The following TNS1 variants were observed in gnomAD, a reference collection of about 807,000 sequenced individuals.
TNS1 encodes the protein tensin 1.
Under a neutral mutation model 168.6 loss-of-function variants are expected in TNS1, and 62 were observed. That is an observed-to-expected ratio of 0.37 (90% CI 0.30 to 0.45). TNS1 has a LOEUF of 0.45. Ranked by LOEUF, TNS1 falls within the 20% of genes least tolerant of loss-of-function variation. The pLI is 1.00. For synonymous variants in TNS1, 934 were observed against 933.2 expected (o/e 1.00, Z -0.02); for missense variants, 2,240 against 2,339.4 (o/e 0.96, Z 0.88).
intron 18 of TNS1, chr2:217,859,714 T>A: frequency 6.5e-7 from 1 of 1,532,306 alleles, no homozygotes; most frequent in South Asian, 1.2e-5. Context: ...GTGGAAATCA[T>A]GAATAGCAGA....
chr2:217,847,993 G>A lies in TNS1; in HGVS notation c.2524C>T (p.Leu842=). 2 of 1,512,210 alleles carry A rather than the reference G, an allele frequency of 1.3e-6. No individual in the cohort carries two copies. Among genetic ancestry groups the A allele is most frequent in the South Asian group, 1.3e-5 (1 of 74,450 alleles). 93.7% of individuals were successfully genotyped at this position (1,512,210 alleles called of 1,614,324 possible). The change falls in exon 19 of 33, where the codon CTG becomes TTG. Residue 842 remains leucine, a synonymous_variant. Transcript: ENST00000682258. ...GCAGCGGAGGCTGGCTCCAGGTCCA[G>A]CATCAGCATATTGAGTGTTTCGATG... The part of the protein sequence containing the change: ...QSIETLNMLM[L]DLEPASAAAP...
chr2:217,804,806 T>C (rs1938137379), intron 32 of TNS1, among the ~76,000 whole-genome samples: 1 of 152,134 alleles, frequency 6.6e-6, no homozygotes, highest in African/African-American at 2.4e-5. Flanking sequence ...CTAGAGACAG[T>C]GTCCCACCTT....
intron 3 of TNS1, among the ~76,000 whole-genome samples, chr2:217,935,022 G>A (rs577979818): frequency 1.3e-5 from 2 of 152,316 alleles, no homozygotes; most frequent in East Asian, 1.9e-4. Context: ...TGCCAAAAGG[G>A]ACTAGCAGGT....
chr2:217,851,702 C>T (rs1038697743), intron 18 of TNS1, among the ~76,000 whole-genome samples: 2 of 152,324 alleles, frequency 1.3e-5, no homozygotes, highest in Middle Eastern at 3.4e-3. Context: ...GCCTAGACCC[C>T]TAAAGGCTGC....
intron 31 of TNS1, 99 bp downstream of exon 31, chr2:217,808,498 TATGCAC>T: frequency 9.2e-7 from 1 of 1,092,668 alleles, no homozygotes; most frequent in Non-Finnish European, 1.4e-6. Flanking sequence ...ATGGAGAATG[TATGCAC>T]ATGCACACAC....
At chr2:217,956,780 C>T (rs1338956579) in intron 3 of TNS1, among the ~76,000 whole-genome samples, 1 of 152,224 alleles carries the variant, frequency 6.6e-6, no homozygotes, top group Admixed American at 6.5e-5. Flanking sequence ...AGGGCTGTGG[C>T]TTTCCCAGAG....
rs1221853327 is a variant in TNS1 at position 217,953,674 on chromosome 2, A to G, written c.186+25091T>C. Among the ~76,000 whole-genome samples, 3 of 152,188 alleles carry G rather than the reference A, an allele frequency of 2.0e-5. No homozygotes were observed. In the East Asian group the frequency reaches 5.8e-4, roughly 30 times the overall value. ...CAAAGAGCCCGCTCCCACCTCCACA[A>G]TCCTGGTGACGCCCTGGGTCAGCTA... On this transcript the variant is annotated intron_variant, in intron 3 of 32. Transcript: ENST00000682258.
chr2:217,819,907 G>A (rs1942546030), intron 23 of TNS1, among the ~76,000 whole-genome samples: 1 of 152,130 alleles, frequency 6.6e-6, no homozygotes, highest in Non-Finnish European at 1.5e-5. Flanking sequence ...TCTTGTTGTG[G>A]GCTGGCCCTC....
At chr2:218,019,916 C>T (rs1288519243) in intron 1 of TNS1, among the ~76,000 whole-genome samples, 1 of 152,116 alleles carries the variant, frequency 6.6e-6, no homozygotes, top group Non-Finnish European at 1.5e-5. Context: ...TCCAGAGTAG[C>T]TATCCCCCTG....
intron 3 of TNS1, among the ~76,000 whole-genome samples, chr2:217,978,415 ATCCCC>A (rs1465483798): frequency 6.6e-6 from 1 of 151,794 alleles, no homozygotes. Context: ...ATTGAAATGG[ATCCCC>A]TCCCCCTTTC....
chr2:217,809,043 G>A (rs947440728), intron 30 of TNS1, among the ~76,000 whole-genome samples: 2 of 152,198 alleles, frequency 1.3e-5, no homozygotes, highest in East Asian at 1.9e-4. Context: ...ATTTACAGCC[G>A]TATACCCAAT....
intron 2 of TNS1, among the ~76,000 whole-genome samples, chr2:217,984,750 CT>C (rs58959120): frequency 0.089 from 12,076 of 135,648 alleles, 822 homozygotes; most frequent in African/African-American, 0.2. Flanking sequence ...ACCTCAGCCT[CT>C]TTTTTTTTTT....
chr2:217,909,879 T>A (rs1236909437), intron 4 of TNS1, among the ~76,000 whole-genome samples: 9 of 152,216 alleles, frequency 5.9e-5, no homozygotes, highest in Non-Finnish European at 1.3e-4. Flanking sequence ...TTGTCCTTCC[T>A]GCTCCTCAAC....
chr2:218,011,688 G>T (rs148374722), upstream of TNS1, among the ~76,000 whole-genome samples: 1 of 151,654 alleles, frequency 6.6e-6, no homozygotes, highest in South Asian at 2.1e-4. Context: ...GCTCTCCTCC[G>T]CCTGCCCCCC....
At chr2:217,992,685 C>CG (rs1329997368) in intron 1 of TNS1, 1 of 151,746 alleles carries the variant, frequency 6.6e-6, no homozygotes, top group African/African-American at 2.4e-5. Context: ...GAGAGGGGTG[C>CG]GGGAAGCAGA....
At chr2:217,975,486 C>T (rs1957871872) in intron 3 of TNS1, among the ~76,000 whole-genome samples, 1 of 152,078 alleles carries the variant, frequency 6.6e-6, no homozygotes, top group East Asian at 1.9e-4. Context: ...CGTGTGAAGG[C>T]ATTAGGAACC....
chr2:217,935,181 G>C (rs1323767813), intron 3 of TNS1, among the ~76,000 whole-genome samples: 1 of 152,196 alleles, frequency 6.6e-6, no homozygotes, highest in Non-Finnish European at 1.5e-5. Flanking sequence ...AGGGTGAGGA[G>C]GGGGAGGAAG....
In TNS1 at chr2:217,809,909, C is replaced by T. The variant is rs201232462; in HGVS notation, c.5187G>A (p.Thr1729=). 42 of 1,613,716 alleles carry T rather than the reference C, an allele frequency of 2.6e-5. 1 individual carries two copies. The highest frequency in any genetic ancestry group is 1.2e-4 in the Admixed American group (7 of 59,994). The change falls in exon 30 of 33, where the codon ACG becomes ACA. Residue 1729 remains threonine (T), a synonymous_variant. Coordinates refer to ENST00000682258, the MANE Select transcript of TNS1 (RefSeq NM_001387777.1). The part of the protein sequence containing the change: ...PQAISKATSE[T]LAADPTPAAT... Reference sequence around the variant, plus strand: ...CAGCTGGCGTGGGGTCTGCAGCCAACGTCTCAGATGTGGCTTTAGAGATGG... The same window carrying T: ...CAGCTGGCGTGGGGTCTGCAGCCAATGTCTCAGATGTGGCTTTAGAGATGG...
In TNS1 at chr2:217,986,001, G is replaced by C. The variant is rs1201876058; in HGVS notation, c.148+4941C>G. On this transcript the variant is annotated intron_variant, in intron 2 of 32. Coordinates refer to ENST00000682258, the MANE Select transcript of TNS1 (RefSeq NM_001387777.1). This position sits in a 1 kb window ranked among gnomAD's most constrained non-coding sequence, Gnocchi z 4.7. ...CTAAAGCTCCTCCAAAAACCTTACA[G>C]CTCCTTCAGAACACAGTTTAGAGCC... 5.9e-5 allele frequency among the ~76,000 whole-genome samples: 9 copies of C among 152,130 alleles called. No individual in the cohort carries two copies. Among genetic ancestry groups the C allele is most frequent in the African/African-American group, 1.7e-4 (7 of 41,410 alleles).
Sources: allele counts gnomAD v4.1 joint callset (sites outside exome capture counted in the v4.1 genomes callset), GRCh38; gene constraint gnomAD v4.1.1; non-coding constraint Gnocchi (gnomAD v3.1); transcripts MANE v1.5; gene names NCBI Gene and HGNC (gene_info 2026-07-23, HGNC 2026-07-21).